Variants in FRMPD4 observed in about 807,000 individuals in gnomAD.
FRMPD4 encodes the protein FERM and PDZ domain-containing protein 4.
In FRMPD4, 22 loss-of-function variants were observed where a neutral mutation model predicts 94.1. That is an observed-to-expected ratio of 0.23 (90% CI 0.17 to 0.33). FRMPD4 has a LOEUF of 0.33. Among genes scored for constraint, FRMPD4 ranks in the 10% least tolerant of loss-of-function variants. The pLI, the probability that FRMPD4 is intolerant of heterozygous loss-of-function variation, is 1.00. For synonymous variants in FRMPD4, 631 were observed against 548.6 expected (o/e 1.15, Z -2.10); for missense variants, 1,111 against 1,339.9 (o/e 0.83, Z 2.67).
At chrX:12,546,470 G>A (rs764228228) in intron 2 of FRMPD4, among the ~76,000 whole-genome samples, 1 of 112,348 alleles carries the variant, frequency 8.9e-6, no homozygotes, top group South Asian at 3.7e-4. Flanking sequence ...GAGCCACTGT[G>A]CCTGGCCTTG....
At chrX:12,110,747 A>C (rs2055352406) in intron 3 of FRMPD4, among the ~76,000 whole-genome samples, 2 of 111,723 alleles carry the variant, frequency 1.8e-5, no homozygotes, top group East Asian at 5.6e-4. Context: ...TCATTGTGCA[A>C]AAATCACAAG....
At chrX:12,408,277 A>G (rs1219546598) in intron 1 of FRMPD4, among the ~76,000 whole-genome samples, 2 of 107,431 alleles carry the variant, frequency 1.9e-5, no homozygotes, top group African/African-American at 6.8e-5. Flanking sequence ...AGCAATTTTT[A>G]CTTGCTTTGG....
At chrX:12,547,679 A>C (rs1259831212) in intron 2 of FRMPD4, among the ~76,000 whole-genome samples, 1 of 112,447 alleles carries the variant, frequency 8.9e-6, no homozygotes, top group Non-Finnish European at 1.9e-5. Context: ...TAAACAAAAA[A>C]TACTTTAATT....
chrX:12,672,423 A>G (rs1265440967), intron 4 of FRMPD4, among the ~76,000 whole-genome samples: 1 of 112,280 alleles, frequency 8.9e-6, no homozygotes, highest in Non-Finnish European at 1.9e-5. Flanking sequence ...TGCATCTTCC[A>G]AGAGTCTCAT....
chrX:12,353,071 G>A (rs1277836625), intron 1 of FRMPD4, among the ~76,000 whole-genome samples: 2 of 111,915 alleles, frequency 1.8e-5, no homozygotes, highest in Non-Finnish European at 3.8e-5. Context: ...GAGGCTCCCC[G>A]CAGGGCTAGG....
intron 3 of FRMPD4, among the ~76,000 whole-genome samples, chrX:11,899,924 T>C (rs1221706393): frequency 8.9e-6 from 1 of 112,237 alleles, no homozygotes; most frequent in East Asian, 2.8e-4. Flanking sequence ...TTTATTTTTA[T>C]TTATCACCAT....
chrX:12,599,316 AC>A (rs1394815754), intron 2 of FRMPD4, among the ~76,000 whole-genome samples: 6 of 111,460 alleles, frequency 5.4e-5, no homozygotes, highest in East Asian at 2.8e-4. Flanking sequence ...TAAAAAAAAA[AC>A]ATATGAGTAA....
chrX:12,704,584 A>G (rs2041843335), intron 11 of FRMPD4, 99 bp downstream of exon 11: 2 of 569,582 alleles, frequency 3.5e-6, no homozygotes, highest in African/African-American at 2.3e-5. Context: ...ACTTAGTACC[A>G]TATTTTCAGA....
At chrX:12,550,660 T>G (rs1187145631) in intron 2 of FRMPD4, among the ~76,000 whole-genome samples, 1 of 111,200 alleles carries the variant, frequency 9.0e-6, no homozygotes, top group African/African-American at 3.3e-5. Context: ...AAAATTGTTC[T>G]CTGTATATAC....
chrX:11,947,805 G>A (rs7888369), intron 3 of FRMPD4, among the ~76,000 whole-genome samples: 2,494 of 110,910 alleles, frequency 0.022, 63 homozygotes, highest in African/African-American at 0.078. Flanking sequence ...AGCAATCCTC[G>A]GCCAGGTGCA....
chrX:11,917,045 G>A (rs1213297581), intron 3 of FRMPD4, among the ~76,000 whole-genome samples: 1 of 111,801 alleles, frequency 8.9e-6, no homozygotes, highest in Non-Finnish European at 1.9e-5. Flanking sequence ...ACCTCTTCCT[G>A]CTCAAAGACG....
Position 12,720,604 on chromosome X carries a change from T to C in FRMPD4, c.4035T>C (p.Asp1345=). 2 of 1,198,212 alleles carry C rather than the reference T, an allele frequency of 1.7e-6. No individual in the cohort carries two copies. Among genetic ancestry groups the C allele is most frequent in the Non-Finnish European group, 2.2e-6 (2 of 889,541 alleles). ...PSAWSQHPEA[D]PILLPSNIHS... is the part of the protein sequence containing the mutation. ...CTTGGTCTCAACATCCTGAAGCTGATCCCATCCTGCTACCATCAAACATTC... is the reference window on the plus strand; with the variant it reads ...CTTGGTCTCAACATCCTGAAGCTGACCCCATCCTGCTACCATCAAACATTC... The change falls in exon 17 of 17, where the codon GAT becomes GAC. Residue 1345 remains aspartate, a synonymous_variant. Transcript: ENST00000675598.
intron 1 of FRMPD4, among the ~76,000 whole-genome samples, chrX:12,156,064 C>G (rs1259569627): frequency 8.9e-6 from 1 of 111,791 alleles, no homozygotes; most frequent in Non-Finnish European, 1.9e-5. Flanking sequence ...AGCTGGAGGA[C>G]AGACGTTGTG....
intron 2 of FRMPD4, among the ~76,000 whole-genome samples, chrX:12,588,091 C>T (rs140495292): frequency 6.2e-5 from 7 of 112,128 alleles, no homozygotes; most frequent in African/African-American, 2.3e-4. Flanking sequence ...TGGGTTCAAA[C>T]GATTCTCCTG....
chrX:12,618,732 AC>A (rs1325610906), intron 4 of FRMPD4, among the ~76,000 whole-genome samples: 2 of 110,765 alleles, frequency 1.8e-5, no homozygotes, highest in Admixed American at 1.9e-4. Context: ...AAATCTACTA[AC>A]TCCTGTTAGA....
intron 1 of FRMPD4, among the ~76,000 whole-genome samples, chrX:12,402,455 A>T (rs1473066810): frequency 9.0e-6 from 1 of 111,404 alleles, no homozygotes; most frequent in African/African-American, 3.3e-5. Context: ...AGTAAGTTGC[A>T]CCATCTCAGT....
chrX:12,163,878 G>T (rs1286476432), intron 1 of FRMPD4, among the ~76,000 whole-genome samples: 1 of 111,582 alleles, frequency 9.0e-6, no homozygotes, highest in Non-Finnish European at 1.9e-5. Context: ...AATTATCAGG[G>T]GTCCCAACGT....
At chrX:12,703,099 C>G (rs2041816805) in intron 10 of FRMPD4, among the ~76,000 whole-genome samples, 1 of 112,798 alleles carries the variant, frequency 8.9e-6, no homozygotes, top group Non-Finnish European at 1.9e-5. Flanking sequence ...TCAAAAACGT[C>G]TCAGAGATAT....
At chrX:12,511,461 CCAAA>C (rs1266898708) in intron 2 of FRMPD4, among the ~76,000 whole-genome samples, 1 of 109,894 alleles carries the variant, frequency 9.1e-6, no homozygotes, top group African/African-American at 3.3e-5. Context: ...TAAAGAAGAA[CCAAA>C]CAAATTCTGG....
Sources: gnomAD v4.1 joint callset for allele counts (sites outside exome capture counted in the v4.1 genomes callset) on GRCh38, gnomAD v4.1.1 for gene constraint, MANE v1.5 for transcripts, NCBI Gene and HGNC (gene_info 2026-07-23, HGNC 2026-07-21) for gene names.